UBB: variants seen among roughly 807,000 people sequenced by gnomAD.
UBB encodes ubiquitin B.
A neutral mutation model predicts 12.5 loss-of-function variants in UBB; 11 were observed. The observed-to-expected ratio is 0.88, with a 90% CI of 0.55 to 1.45. UBB has a LOEUF of 1.45. UBB is among the 40% of genes most tolerant of loss of function. The pLI is 0.00. For missense variants in UBB, 76 were observed against 286.9 expected (o/e 0.26, Z 5.31); for synonymous variants, 168 against 120.1 (o/e 1.40, Z -2.61).
intron 1 of UBB, chr17:16,381,674 C>A: frequency 1.6e-6 from 1 of 620,316 alleles, no homozygotes; most frequent in Non-Finnish European, 2.7e-6. Flanking sequence ...AAGCTGTGGA[C>A]GCTTGGTAAG....
At position 16,381,892 on chromosome 17, in the gene UBB, T is replaced by C; in HGVS notation, c.-6-10T>C. 1.2e-6 allele frequency: 2 copies of C among 1,613,772 alleles called. No homozygotes were observed. Among genetic ancestry groups the C allele is most frequent in the Non-Finnish European group, 1.7e-6 (2 of 1,179,786 alleles). On this transcript the variant is annotated splice_polypyrimidine_tract_variant and intron_variant, in intron 1 of 1. Transcript: ENST00000302182. ...TGAGGTGACACGCTTATGTTTTACT[T>C]TTAAACTAGGTCAAAATGCAGATCT...
chr17:16,381,688 G>C, intron 1 of UBB: 1 of 668,296 alleles, frequency 1.5e-6, no homozygotes, highest in Non-Finnish European at 2.5e-6. Context: ...TGGTAAGAGA[G>C]CGCTCTGGAT....
chr17:16,381,872 T>C (rs1253803899), intron 1 of UBB, 30 bp from the exon 2 acceptor site: 7 of 1,610,450 alleles, frequency 4.3e-6, no homozygotes, highest in Non-Finnish European at 5.9e-6. Flanking sequence ...GATCCTGAGG[T>C]GACACGCTTA....
chr17:16,382,670 GT>G lies in UBB; in HGVS notation c.*76del, dbSNP rs1158562044. On this transcript the variant is annotated 3_prime_UTR_variant, in exon 2 of 2. Coordinates refer to ENST00000302182, the MANE Select transcript of UBB (RefSeq NM_018955.4). ...ACTATAGCCATTTGCCCCAACTTAA[GT>G]TTAGAAATTACAAGTTTCAGTAATA... The G allele has an allele frequency of 3.8e-6, 6 of 1,563,420 alleles. No homozygotes were observed. The East Asian group carries it at 1.2e-4, about 30-fold the overall frequency.
chr17:16,381,079 C>T (rs1781331162), upstream of UBB: 1 of 153,458 alleles, frequency 6.5e-6, no homozygotes, highest in Non-Finnish European at 1.5e-5. Flanking sequence ...TTGCGCTCCG[C>T]CAGCCCGGAG....
chr17:16,381,881 T>C, intron 1 of UBB, 21 bp from the exon 2 acceptor site: 2 of 1,613,006 alleles, frequency 1.2e-6, no homozygotes, highest in South Asian at 1.1e-5. Flanking sequence ...GTGACACGCT[T>C]ATGTTTTACT....
At chr17:16,381,487 C>G (rs1212289609) in intron 1 of UBB, 1 of 207,768 alleles carries the variant, frequency 4.8e-6, no homozygotes, top group South Asian at 7.0e-5. Flanking sequence ...TTCTGGAAGC[C>G]TTTACTTTGG....
chr17:16,381,398 A>C (rs577958422), intron 1 of UBB: 3 of 174,038 alleles, frequency 1.7e-5, no homozygotes, highest in South Asian at 2.4e-4. Context: ...GTTGACGGAA[A>C]CTAACGGACG....
chr17:16,381,629 G>A, intron 1 of UBB: 1 of 500,130 alleles, frequency 2.0e-6, no homozygotes, highest in Non-Finnish European at 3.6e-6. Flanking sequence ...GAGTTCGGTC[G>A]GGGGAGTTTG....
rs1300031308 is a variant in UBB, at chr17:16,381,125, T to G, written c.-66T>G. 1.3e-5 allele frequency: 2 copies of G among 150,670 alleles called. No individual in the cohort carries two copies. Among genetic ancestry groups the G allele is most frequent in the Non-Finnish European group, 3.0e-5 (2 of 67,666 alleles). The allele number at this position is 150,670 out of a possible 1,614,324, so 9.3% of individuals were successfully genotyped here. A position where few individuals can be genotyped will look rare whatever the true frequency, so the allele number is the denominator to read the frequency against. On this transcript the variant is annotated 5_prime_UTR_variant, in exon 1 of 2. Transcript: ENST00000302182. ...CGGTTGGCTTTGTTGGGTGAGCTTG[T>G]TTGTGTCCCTGTGGGTGGACGTGGT... is the stretch of plus-strand genomic sequence containing the variant.
intron 1 of UBB, 31 bp from the exon 2 acceptor site, chr17:16,381,871 G>A: frequency 6.2e-7 from 1 of 1,610,256 alleles, no homozygotes; most frequent in Admixed American, 1.7e-5. Flanking sequence ...TGATCCTGAG[G>A]TGACACGCTT....
At chr17:16,381,826 T>A in intron 1 of UBB, 76 bp from the exon 2 acceptor site, 1 of 1,512,486 alleles carries the variant, frequency 6.6e-7, no homozygotes, top group Non-Finnish European at 8.9e-7. Flanking sequence ...GTTGCTAATT[T>A]TGAAGAATAT....
chr17:16,381,168 CT>C lies in UBB; in HGVS notation c.-22del. On this transcript the variant is annotated 5_prime_UTR_variant, in exon 1 of 2. Coordinates refer to ENST00000302182, the MANE Select transcript of UBB (RefSeq NM_018955.4). ...GACGTGGTTGGTGATTGGCAGGATC[CT>C]GGTATCCGCTAACAGGTACTGGCCC... 6.6e-6 allele frequency: 1 copy of C among 150,966 alleles called. No homozygotes were observed. The highest frequency in any genetic ancestry group is 2.5e-5 in the African/African-American group (1 of 40,682). 9.4% of individuals were successfully genotyped at this position (150,966 alleles called of 1,614,324 possible).
chr17:16,382,495 C>T lies in UBB; in HGVS notation c.588C>T (p.Ile196=), dbSNP rs1568884491. 3 of 1,613,278 alleles carry T rather than the reference C, an allele frequency of 1.9e-6. No individual in the cohort carries two copies. Among genetic ancestry groups the T allele is most frequent in the Non-Finnish European group, 2.5e-6 (3 of 1,179,822 alleles). The change falls in exon 2 of 2, where the codon ATC becomes ATT. Residue 196 remains isoleucine, a synonymous_variant. Coordinates refer to ENST00000302182, the MANE Select transcript of UBB (RefSeq NM_018955.4). ...TCCCCCCCGACCAGCAGAGGCTCAT[C>T]TTTGCAGGCAAGCAGCTGGAAGATG... ...EGIPPDQQRL[I]FAGKQLEDGR...
upstream of UBB, chr17:16,380,826 T>C (rs1265105542): frequency 6.5e-6 from 1 of 153,582 alleles, no homozygotes; most frequent in Non-Finnish European, 1.5e-5. Flanking sequence ...GGAAGGTTTC[T>C]TCAACTCAAA....
Position 16,382,678 on chromosome 17 carries a change from AT to A in UBB, c.*83del, listed in dbSNP as rs1568884837. ...CATTTGCCCCAACTTAAGTTTAGAA[AT>A]TACAAGTTTCAGTAATAGCTGAACC... On this transcript the variant is annotated 3_prime_UTR_variant, in exon 2 of 2. Transcript: ENST00000302182. 6.5e-7 allele frequency: 1 copy of A among 1,547,142 alleles called. No individual in the cohort carries two copies. Among genetic ancestry groups the A allele is most frequent in the Non-Finnish European group, 8.8e-7 (1 of 1,140,612 alleles).
chr17:16,381,747 G>C (rs1257703525), intron 1 of UBB, 155 bp from the exon 2 acceptor site: 1 of 1,043,098 alleles, frequency 9.6e-7, no homozygotes, highest in Non-Finnish European at 1.4e-6. Context: ...CGTATTAAGT[G>C]ACTTAGCCTT....
At chr17:16,381,275 C>T (rs182276718) in intron 1 of UBB, 91 bp downstream of exon 1, 7 of 103,086 alleles carry the variant, frequency 6.8e-5, no homozygotes, top group African/African-American at 2.6e-4. Context: ...TTGGGTGGGC[C>T]GCTGAGGGGA....
chr17:16,381,653 G>A (rs1181805394), intron 1 of UBB: 1 of 564,464 alleles, frequency 1.8e-6, no homozygotes, highest in Non-Finnish European at 3.1e-6. Context: ...ATCCGGAACA[G>A]TTAGTGGGGA....
Sources: gnomAD v4.1 joint callset for allele counts on GRCh38, gnomAD v4.1.1 for gene constraint, MANE v1.5 for transcripts, NCBI Gene and HGNC (gene_info 2026-07-23, HGNC 2026-07-21) for gene names.